Variants in JADE2 observed in about 807,000 individuals in gnomAD.
The protein encoded by JADE2 is E3 ubiquitin-protein ligase Jade-2.
In JADE2, 13 loss-of-function variants were observed where a neutral mutation model predicts 85.7. That is an observed-to-expected ratio of 0.15 (90% CI 0.10 to 0.24). The LOEUF is 0.24. Ranked by LOEUF, JADE2 falls within the 10% of genes least tolerant of loss-of-function variation. The pLI is 1.00. For synonymous variants in JADE2, 440 were observed against 456.1 expected (o/e 0.96, Z 0.45); for missense variants, 846 against 1,115.9 (o/e 0.76, Z 3.45).
At chr5:134,556,239 G>T (rs1193759239) in intron 4 of JADE2, among the ~76,000 whole-genome samples, 1 of 152,214 alleles carries the variant, frequency 6.6e-6, no homozygotes, top group African/African-American at 2.4e-5. Context: ...TGGAGGCCAG[G>T]CTCCGAAGCA....
rs1240668821 is a variant in JADE2, at chr5:134,566,318, C to A, written c.1172C>A (p.Thr391Asn). ...GCTGGCGAGGACCTGGAAAAGGTGA[C>A]CCTGCGCAAGCAGCGGCTGCAGCAG... ...SQAGEDLEKV[T>N]LRKQRLQQLE... The change falls in exon 9 of 12, where the codon ACC becomes AAC. Residue 391 changes from threonine (T) to asparagine (N), a missense_variant. Thr to Asn is a moderately conservative substitution (Grantham distance 65, BLOSUM62 0). Around this residue, in one of 9 missense-constraint regions of JADE2, gnomAD observed 88 missense variants for 140.6 expected, o/e 0.63. Coordinates refer to ENST00000681547, the MANE Select transcript of JADE2 (RefSeq NM_001388185.1). This position sits in a 1 kb window ranked among gnomAD's most constrained non-coding sequence, Gnocchi z 6.7. 2 of 1,613,972 alleles carry A rather than the reference C, an allele frequency of 1.2e-6. No homozygotes were observed. The highest frequency in any genetic ancestry group is 1.7e-6 in the Non-Finnish European group (2 of 1,180,028).
chr5:134,577,647 T>C (rs954328610), intron 11 of JADE2, among the ~76,000 whole-genome samples: 3 of 152,118 alleles, frequency 2.0e-5, no homozygotes, highest in Non-Finnish European at 4.4e-5. Context: ...ACCATGATCA[T>C]GCCACTGCAC....
rs992363137 is a variant in JADE2, at chr5:134,583,026, G to A, written c.*3709G>A. 1 of 152,664 alleles carries A rather than the reference G, an allele frequency of 6.6e-6. No homozygotes were observed. The highest frequency in any genetic ancestry group is 1.9e-4 in the East Asian group (1 of 5,200). 9.5% of individuals were successfully genotyped at this position (152,664 alleles called of 1,614,324 possible). A position where few individuals can be genotyped will look rare whatever the true frequency, so the allele number is the denominator to read the frequency against. On this transcript the variant is annotated 3_prime_UTR_variant, in exon 12 of 12. Transcript: ENST00000681547. ...CGCAACCCTTAACGAGCAATAGAAT[G>A]TATGGTCACCTGGGTGTGGCCAGTG...
At chr5:134,540,664 CCTGT>C (rs1315465969) in intron 3 of JADE2, among the ~76,000 whole-genome samples, 1 of 152,190 alleles carries the variant, frequency 6.6e-6, no homozygotes, top group African/African-American at 2.4e-5. Context: ...ACATGAAGAA[CCTGT>C]CTTTCGAGAA....
chr5:134,527,365 G>C (rs1158183054), intron 1 of JADE2, among the ~76,000 whole-genome samples: 2 of 152,130 alleles, frequency 1.3e-5, no homozygotes, highest in Non-Finnish European at 2.9e-5. Flanking sequence ...AGGGACGAGA[G>C]GGGTCAACTT....
At chr5:134,531,508 C>G (rs1761232536) in intron 1 of JADE2, among the ~76,000 whole-genome samples, 3 of 151,984 alleles carry the variant, frequency 2.0e-5, no homozygotes, top group African/African-American at 7.3e-5. Context: ...AACTCCTGGG[C>G]CCAAGTGATC....
At chr5:134,533,267 C>T (rs1761365005) in intron 1 of JADE2, among the ~76,000 whole-genome samples, 1 of 152,214 alleles carries the variant, frequency 6.6e-6, no homozygotes, top group Admixed American at 6.5e-5. Context: ...GTGCTGAGGG[C>T]TTTACACTGT....
At chr5:134,551,656 G>T (rs1762599632) in intron 3 of JADE2, among the ~76,000 whole-genome samples, 1 of 152,046 alleles carries the variant, frequency 6.6e-6, no homozygotes, top group Admixed American at 6.6e-5. Flanking sequence ...GGGATTACAG[G>T]CATGAGCCAC....
intron 8 of JADE2, among the ~76,000 whole-genome samples, chr5:134,565,512 TG>T (rs1763586247): frequency 6.6e-6 from 1 of 152,148 alleles, no homozygotes; most frequent in South Asian, 2.1e-4. Flanking sequence ...GCCTTTCTCT[TG>T]ATGCTCTGTG....
intron 4 of JADE2, among the ~76,000 whole-genome samples, chr5:134,557,231 T>G (rs199640245): frequency 6.9e-6 from 1 of 144,370 alleles, no homozygotes; most frequent in Non-Finnish European, 1.6e-5. Flanking sequence ...GATTATTATT[T>G]TTTTTGTTGT....
intron 3 of JADE2, among the ~76,000 whole-genome samples, chr5:134,542,354 G>C (rs2149897757): frequency 6.6e-6 from 1 of 151,550 alleles, no homozygotes; most frequent in East Asian, 2.0e-4. Flanking sequence ...AATTTACAGA[G>C]CAGAGATTAT....
chr5:134,579,086 C>T lies in JADE2; in HGVS notation c.2274C>T (p.Ser758=), dbSNP rs1764569105. Residue 758 remains serine, a synonymous_variant, in exon 12 of 12, where the codon AGC becomes AGT. Coordinates refer to ENST00000681547, the MANE Select transcript of JADE2 (RefSeq NM_001388185.1). The surrounding 1 kb of genome is among the most constrained non-coding windows in gnomAD (Gnocchi z 4.6). ...PLGRLRPPRE[S]KVTRRLPGAR... ...GCCGGCTCCGGCCACCCCGCGAGAG[C>T]AAGGTAACCCGGAGATTGCCGGGTG... 2 of 1,614,050 alleles carry T rather than the reference C, an allele frequency of 1.2e-6. No homozygotes were observed. The highest frequency in any genetic ancestry group is 8.5e-7 in the Non-Finnish European group (1 of 1,179,966).
chr5:134,557,268 ATTTTTTTTT>A (rs59125974), intron 4 of JADE2, among the ~76,000 whole-genome samples: 1 of 137,902 alleles, frequency 7.3e-6, no homozygotes. Flanking sequence ...TTATTTTTTT[ATTTTTTTTT>A]TTATTTTTTT....
At chr5:134,568,617 C>CCTGTCAAATGCTG (rs1427451087) in intron 9 of JADE2, among the ~76,000 whole-genome samples, 2 of 152,202 alleles carry the variant, frequency 1.3e-5, no homozygotes, top group African/African-American at 4.8e-5. Context: ...CTCAGGGGGC[C>CCTGTCAAATGCTG]CTGTCAAATG....
At chr5:134,534,353 G>A (rs992524066) in intron 1 of JADE2, among the ~76,000 whole-genome samples, 7 of 152,044 alleles carry the variant, frequency 4.6e-5, no homozygotes, top group Non-Finnish European at 7.4e-5. Flanking sequence ...CTGCGTTTGT[G>A]CTGCTTGCAC....
At position 134,573,772 on chromosome 5, in the gene JADE2, T is replaced by G; in HGVS notation, c.1552+10T>G. On this transcript the variant is annotated intron_variant, in intron 10 of 11. Coordinates refer to ENST00000681547, the MANE Select transcript of JADE2 (RefSeq NM_001388185.1). ...CAGGATCTGTGTCGAGGTAGGCGCCTTCCCCACCTGCCGCCGCCACCTCCC... is the reference window on the plus strand; with the variant it reads ...CAGGATCTGTGTCGAGGTAGGCGCCGTCCCCACCTGCCGCCGCCACCTCCC... 35 of 1,515,964 alleles carry G rather than the reference T, an allele frequency of 2.3e-5. No individual in the cohort carries two copies. The highest frequency in any genetic ancestry group is 3.0e-5 in the Non-Finnish European group (33 of 1,090,262). The allele number at this position is 1,515,964 out of a possible 1,614,324, so 93.9% of individuals were successfully genotyped here.
chr5:134,526,636 C>T (rs2149838677), intron 1 of JADE2: 1 of 985,536 alleles, frequency 1.0e-6, no homozygotes, highest in Non-Finnish European at 1.2e-6. Context: ...CGCCCTGTCG[C>T]CCCCTCTCCC....
chr5:134,539,342 C>T lies in JADE2; in HGVS notation c.153+1259C>T, dbSNP rs919635645. Among the ~76,000 whole-genome samples, 81 of 152,268 alleles carry T rather than the reference C, an allele frequency of 5.3e-4. 1 individual carries two copies. The highest frequency in any genetic ancestry group is 6.6e-4 in the Non-Finnish European group (45 of 68,008). On this transcript the variant is annotated intron_variant, in intron 3 of 11. Transcript: ENST00000681547. ...CCTCCCAAAGTGCTGGGATTACAGG[C>T]ATGAGCCACCGCGCCCGGCCTAATT...
At chr5:134,545,962 CA>C (rs1201077578) in intron 3 of JADE2, among the ~76,000 whole-genome samples, 1 of 152,124 alleles carries the variant, frequency 6.6e-6, no homozygotes, top group Non-Finnish European at 1.5e-5. Flanking sequence ...TGGCCAAAGC[CA>C]TTTTAATTGG....
Sources: allele counts gnomAD v4.1 joint callset (sites outside exome capture counted in the v4.1 genomes callset), GRCh38; gene constraint gnomAD v4.1.1; regional missense constraint gnomAD v4.1.1; non-coding constraint Gnocchi (gnomAD v3.1); transcripts MANE v1.5; gene names NCBI Gene and HGNC (gene_info 2026-07-23, HGNC 2026-07-21).